The following NAA15 variants were observed in gnomAD, a reference collection of about 807,000 sequenced individuals.
NAA15 encodes N-alpha-acetyltransferase 15, NatA auxiliary subunit.
A neutral mutation model predicts 114.0 loss-of-function variants in NAA15; 34 were observed. That is an observed-to-expected ratio of 0.30 (90% CI 0.23 to 0.40). The LOEUF (loss-of-function observed/expected upper bound fraction) is 0.40. Among genes scored for constraint, NAA15 ranks in the 10% least tolerant of loss-of-function variants. The pLI, the probability that NAA15 is intolerant of heterozygous loss-of-function variation, is 1.00. For synonymous variants in NAA15, 340 were observed against 338.0 expected, an observed-to-expected ratio of 1.01 and a Z score of -0.06; for missense variants, 658 against 1,004.5, an observed-to-expected ratio of 0.66 and a Z score of 4.66.
At chr4:139,314,079 T>G (rs181740818) in intron 1 of NAA15, among the ~76,000 whole-genome samples, 47 of 152,116 alleles carry the variant, frequency 3.1e-4, no homozygotes, top group Non-Finnish European at 6.0e-4. Context: ...CATAATACTA[T>G]GATGTAAATA....
At chr4:139,365,422 C>A (rs1748251093) in intron 14 of NAA15, among the ~76,000 whole-genome samples, 1 of 152,092 alleles carries the variant, frequency 6.6e-6, no homozygotes, top group Non-Finnish European at 1.5e-5. Context: ...AGATTTACAT[C>A]CTTGCTCTGC....
chr4:139,316,718 ATTG>A (rs1204622892), intron 1 of NAA15, among the ~76,000 whole-genome samples: 1 of 151,718 alleles, frequency 6.6e-6, no homozygotes, highest in Non-Finnish European at 1.5e-5. Flanking sequence ...TACCAACAAT[ATTG>A]TTATCTTATT....
chr4:139,332,572 GTTTTT>G (rs1164115947), intron 1 of NAA15, among the ~76,000 whole-genome samples: 20 of 62,028 alleles, frequency 3.2e-4, no homozygotes, highest in African/African-American at 1.6e-3. Context: ...TGGTTTGTAT[GTTTTT>G]TTTTTTTTTT....
intron 16 of NAA15, among the ~76,000 whole-genome samples, chr4:139,377,026 G>A (rs1748598098): frequency 6.6e-6 from 1 of 152,202 alleles, no homozygotes; most frequent in East Asian, 1.9e-4. Flanking sequence ...GGTTTAGAAT[G>A]CTTAGAATAT....
intron 10 of NAA15, among the ~76,000 whole-genome samples, chr4:139,356,168 A>G (rs1290250838): frequency 1.3e-5 from 2 of 152,254 alleles, no homozygotes; most frequent in East Asian, 3.8e-4. Flanking sequence ...ATATTAAAAT[A>G]TATTAAGAAT....
chr4:139,320,018 A>G (rs1048031393), intron 1 of NAA15, among the ~76,000 whole-genome samples: 2 of 152,214 alleles, frequency 1.3e-5, no homozygotes, highest in Non-Finnish European at 2.9e-5. Context: ...AAATTGTTTC[A>G]GAGTGTTCAC....
At chr4:139,379,033 G>A (rs1748667479) in intron 17 of NAA15, 179 bp downstream of exon 17, 2 of 428,132 alleles carry the variant, frequency 4.7e-6, no homozygotes, top group Admixed American at 4.4e-5. Flanking sequence ...AAGGATACAA[G>A]TATTACCTGA....
chr4:139,334,215 C>A lies in NAA15; in HGVS notation c.96C>A (p.Phe32Leu). The A allele has an allele frequency of 6.2e-7, 1 of 1,603,964 alleles. No homozygotes were observed. The highest frequency in any genetic ancestry group is 8.5e-7 in the Non-Finnish European group (1 of 1,176,476). ...AACAGTATAGAAATGGATTGAAATT[C>A]TGTAAACAAATACTTTCTAATCCCA... ...EHKQYRNGLK[F>L]CKQILSNPKF... The change falls in exon 2 of 20, where the codon TTC (phenylalanine) becomes TTA (leucine). Residue 32 changes from phenylalanine to leucine, a missense_variant. Coordinates refer to ENST00000296543, the MANE Select transcript of NAA15 (RefSeq NM_057175.5).
At chr4:139,345,756 T>TA (rs1274487761) in intron 6 of NAA15, among the ~76,000 whole-genome samples, 1 of 152,090 alleles carries the variant, frequency 6.6e-6, no homozygotes, top group Non-Finnish European at 1.5e-5. Context: ...TCGTCTCTAC[T>TA]AAAAATACAG....
intron 4 of NAA15, among the ~76,000 whole-genome samples, chr4:139,341,611 A>AAAAAAG (rs1747395955): frequency 6.7e-6 from 1 of 148,808 alleles, no homozygotes; most frequent in Non-Finnish European, 1.5e-5. Context: ...AAAAAAAAAA[A>AAAAAAG]AAAAAAAAGA....
chr4:139,305,904 C>T (rs1323462602), intron 1 of NAA15, among the ~76,000 whole-genome samples: 1 of 152,144 alleles, frequency 6.6e-6, no homozygotes, highest in Non-Finnish European at 1.5e-5. Flanking sequence ...TTGTACTGTA[C>T]TTGTTATGAT....
At chr4:139,331,661 C>A (rs34444480) in intron 1 of NAA15, among the ~76,000 whole-genome samples, 19,903 of 138,724 alleles carry the variant, frequency 0.14, 1,691 homozygotes, top group Non-Finnish European at 0.19. Context: ...GAAAGAGTTT[C>A]ACCACGTTGG....
At chr4:139,311,322 A>G (rs1436815644) in intron 1 of NAA15, among the ~76,000 whole-genome samples, 1 of 151,924 alleles carries the variant, frequency 6.6e-6, no homozygotes, top group Non-Finnish European at 1.5e-5. Context: ...GATGTTTAAT[A>G]AATATTTGTT....
chr4:139,321,734 C>T (rs997677832), intron 1 of NAA15, among the ~76,000 whole-genome samples: 4 of 151,298 alleles, frequency 2.6e-5, no homozygotes, highest in African/African-American at 9.7e-5. Flanking sequence ...CTGCCTGCCT[C>T]AGCCTCCCAA....
chr4:139,312,716 G>A (rs1328397293), intron 1 of NAA15, among the ~76,000 whole-genome samples: 1 of 151,754 alleles, frequency 6.6e-6, no homozygotes, highest in African/African-American at 2.4e-5. Context: ...TGGTGGTGGT[G>A]CAAACCTGTA....
At chr4:139,304,066 C>T (rs552154808) in intron 1 of NAA15, among the ~76,000 whole-genome samples, 1 of 152,248 alleles carries the variant, frequency 6.6e-6, no homozygotes, top group Non-Finnish European at 1.5e-5. Flanking sequence ...TACAGGTGCC[C>T]GCCACCACGC....
intron 2 of NAA15, among the ~76,000 whole-genome samples, chr4:139,334,790 A>G (rs1023849375): frequency 9.2e-5 from 14 of 152,146 alleles, no homozygotes; most frequent in African/African-American, 3.4e-4. Flanking sequence ...AGGCAAAGGA[A>G]AAATAAGTTT....
chr4:139,327,463 A>G (rs1746839294), intron 1 of NAA15, among the ~76,000 whole-genome samples: 1 of 152,172 alleles, frequency 6.6e-6, no homozygotes, highest in Non-Finnish European at 1.5e-5. Context: ...CATGTTGGCC[A>G]GGTTGGTCTC....
chr4:139,365,943 A>G (rs1579126956), intron 14 of NAA15, among the ~76,000 whole-genome samples: 1 of 152,184 alleles, frequency 6.6e-6, no homozygotes, highest in Non-Finnish European at 1.5e-5. Flanking sequence ...ACCAGTTGTT[A>G]AAAAGGTCAG....
Sources: gnomAD v4.1 joint callset for allele counts (sites outside exome capture counted in the v4.1 genomes callset) on GRCh38, gnomAD v4.1.1 for gene constraint, MANE v1.5 for transcripts, NCBI Gene and HGNC (gene_info 2026-07-23, HGNC 2026-07-21) for gene names.